Variants in UGT2B15 observed in about 807,000 individuals in gnomAD.
UGT2B15 encodes the protein UDP-glucuronosyltransferase 2B15.
A neutral mutation model predicts 45.9 loss-of-function variants in UGT2B15; 36 were observed. The observed-to-expected ratio is 0.78, with a 90% CI of 0.60 to 1.04. UGT2B15 has a LOEUF of 1.04. UGT2B15 is among the 50% of genes least tolerant of loss of function. The pLI is 0.00. For missense variants in UGT2B15, 617 were observed against 622.4 expected, an observed-to-expected ratio of 0.99 and a Z score of 0.09; for synonymous variants, 219 against 216.4, an observed-to-expected ratio of 1.01 and a Z score of -0.11.
intron 5 of UGT2B15, among the ~76,000 whole-genome samples, chr4:68,653,209 A>G (rs1732706077): frequency 2.0e-5 from 3 of 152,078 alleles, no homozygotes; most frequent in Admixed American, 1.3e-4. Flanking sequence ...ATGTATAACA[A>G]TGTTCATAAA....
chr4:68,669,919 C>G lies in UGT2B15; in HGVS notation c.700G>C (p.Asp234His). Residue 234 changes from aspartate to histidine, a missense_variant, in exon 1 of 6, where the codon GAC becomes CAC. By Grantham distance (81) the Asp-to-His change is moderately conservative (BLOSUM62 -1). Coordinates refer to ENST00000338206, the MANE Select transcript of UGT2B15 (RefSeq NM_001076.4). ...CCTAGAACTTCACTATAAAACTGGT[C>G]CCACTTCTTCAGATCATAAATTTGA... ...WFQIYDLKKWDQFYSEVLGRP... is the reference protein window; with the variant it reads ...WFQIYDLKKWHQFYSEVLGRP... The G allele has an allele frequency of 6.2e-7, 1 of 1,611,490 alleles. No individual in the cohort carries two copies. The highest frequency in any genetic ancestry group is 8.5e-7 in the Non-Finnish European group (1 of 1,179,392).
chr4:68,654,268 T>C lies in UGT2B15; in HGVS notation c.1094-12A>G, dbSNP rs768013539. On this transcript the variant is annotated splice_polypyrimidine_tract_variant and intron_variant, in intron 4 of 5. Coordinates refer to ENST00000338206, the MANE Select transcript of UGT2B15 (RefSeq NM_001076.4). Reference sequence around the variant, plus strand: ...GGTTTTGGGATGACCTAAAAGTGGATGCATTTTAACAAAATTATTAATTAC... The same window carrying C: ...GGTTTTGGGATGACCTAAAAGTGGACGCATTTTAACAAAATTATTAATTAC... The C allele has an allele frequency of 1.9e-6, 3 of 1,608,732 alleles. No individual in the cohort carries two copies. The East Asian group carries it at 6.7e-5, about 36-fold the overall frequency.
rs1732491502 is a variant in UGT2B15, at chr4:68,646,950, T to C, written c.*154A>G. The C allele has an allele frequency of 1.2e-5, 14 of 1,176,592 alleles. No individual in the cohort carries two copies. The highest frequency in any genetic ancestry group is 1.7e-5 in the Non-Finnish European group (14 of 839,560). The allele number at this position is 1,176,592 out of a possible 1,614,324, so 72.9% of individuals were successfully genotyped here. A position where few individuals can be genotyped will look rare whatever the true frequency, so the allele number is the denominator to read the frequency against. ...AGAATAATTCAGCTAAAGTACGTATTAAATCCCTGGAAAATAAATTTTGTC... is the reference window on the plus strand; with the variant it reads ...AGAATAATTCAGCTAAAGTACGTATCAAATCCCTGGAAAATAAATTTTGTC... On this transcript the variant is annotated 3_prime_UTR_variant, in exon 6 of 6. Coordinates refer to ENST00000338206, the MANE Select transcript of UGT2B15 (RefSeq NM_001076.4).
At chr4:68,653,725 T>C (rs906662311) in intron 5 of UGT2B15, among the ~76,000 whole-genome samples, 5 of 152,038 alleles carry the variant, frequency 3.3e-5, no homozygotes, top group Admixed American at 6.6e-5. Flanking sequence ...AATTGAAATA[T>C]CATATTTCTC....
chr4:68,658,275 G>C (rs558089039), intron 3 of UGT2B15, among the ~76,000 whole-genome samples: 13 of 150,940 alleles, frequency 8.6e-5, no homozygotes, highest in African/African-American at 3.2e-4. Context: ...ATTGGCTTAA[G>C]AAAATAAAAG....
intron 3 of UGT2B15, among the ~76,000 whole-genome samples, chr4:68,659,092 G>A (rs1257067013): frequency 2.0e-5 from 3 of 151,934 alleles, no homozygotes; most frequent in Non-Finnish European, 2.9e-5. Context: ...ATATCTTATG[G>A]TCAAGATTAG....
chr4:68,647,238 T>G lies in UGT2B15; in HGVS notation c.1459A>C (p.Ile487Leu), dbSNP rs1182928744. 1 of 1,613,860 alleles carries G rather than the reference T, an allele frequency of 6.2e-7. No homozygotes were observed. Among genetic ancestry groups the G allele is most frequent in the Non-Finnish European group, 8.5e-7 (1 of 1,179,950 alleles). The change falls in exon 6 of 6, where the codon ATC becomes CTC. Residue 487 changes from isoleucine to leucine, a missense_variant. This residue lies in a region of UGT2B15 where 265 missense variants were observed against 245.1 expected (regional missense o/e 1.08). Transcript: ENST00000338206. ...ATCACATCCAAAGAGTGGTACTGGATCCAGGTGAGGTTGTGAGCTGCGACT... is the reference window on the plus strand; with the variant it reads ...ATCACATCCAAAGAGTGGTACTGGAGCCAGGTGAGGTTGTGAGCTGCGACT... ...LRVAAHNLTW[I>L]QYHSLDVIAF...
chr4:68,651,474 T>C (rs1209119435), intron 5 of UGT2B15, among the ~76,000 whole-genome samples: 1 of 151,938 alleles, frequency 6.6e-6, no homozygotes, highest in African/African-American at 2.4e-5. Context: ...ATGTGTGGTG[T>C]TTTTCTGAGG....
chr4:68,666,951 T>C (rs1212582525), intron 2 of UGT2B15, among the ~76,000 whole-genome samples: 1 of 151,748 alleles, frequency 6.6e-6, no homozygotes, highest in East Asian at 1.9e-4. Context: ...TTCACCATGC[T>C]GGCCACTCTG....
At position 68,670,305 on chromosome 4, in the gene UGT2B15, G is replaced by T. The variant is rs1733270888; in HGVS notation, c.314C>A (p.Thr105Lys). 3.7e-6 allele frequency: 6 copies of T among 1,613,902 alleles called. No homozygotes were observed. The highest frequency in any genetic ancestry group is 5.1e-6 in the Non-Finnish European group (6 of 1,179,982). The change falls in exon 1 of 6, where the codon ACA (threonine) becomes AAA (lysine). Residue 105 changes from threonine (T) to lysine (K), a missense_variant. Thr to Lys is a moderately conservative substitution (Grantham distance 78, BLOSUM62 -1). Transcript: ENST00000338206. ...DRWIYGVSKN[T>K]FWSYFSQLQE... Reference sequence around the variant, plus strand: ...TAATTGTGAAAAATATGACCAAAATGTATTTTTTGAAACACCATATATCCA... The same window carrying T: ...TAATTGTGAAAAATATGACCAAAATTTATTTTTTGAAACACCATATATCCA...
chr4:68,669,862 A>G lies in UGT2B15; in HGVS notation c.724+33T>C, dbSNP rs1258969746. 4 of 1,564,186 alleles carry G rather than the reference A, an allele frequency of 2.6e-6. No individual in the cohort carries two copies. In the South Asian group the frequency reaches 4.9e-5, roughly 19 times the overall value. ...CCTTCAAAGGCACAGAAAAGTTAGA[A>G]CTTAATAAGCACCAGTTAGACACAT... On this transcript the variant is annotated intron_variant, in intron 1 of 5. Transcript: ENST00000338206.
At chr4:68,667,788 TG>T (rs1432828642) in intron 2 of UGT2B15, among the ~76,000 whole-genome samples, 1 of 152,190 alleles carries the variant, frequency 6.6e-6, no homozygotes, top group African/African-American at 2.4e-5. Context: ...TACTATCTTT[TG>T]GGTGGCACAA....
chr4:68,666,754 T>TATATATA (rs202047313), intron 2 of UGT2B15, among the ~76,000 whole-genome samples: 2 of 120,052 alleles, frequency 1.7e-5, no homozygotes, highest in Admixed American at 1.7e-4. Flanking sequence ...ATATATATAT[T>TATATATA]TTTTTTTTTT....
In UGT2B15 at chr4:68,669,936, T is replaced by A; in HGVS notation, c.683A>T (p.Tyr228Phe). The change falls in exon 1 of 6, where the codon TAT (tyrosine) becomes TTT (phenylalanine). Residue 228 changes from tyrosine to phenylalanine, a missense_variant. Tyr to Phe is a conservative substitution (Grantham distance 22). This residue lies in a region of UGT2B15 where 351 missense variants were observed against 342.1 expected (regional missense o/e 1.03). Coordinates refer to ENST00000338206, the MANE Select transcript of UGT2B15 (RefSeq NM_001076.4). ...AAACTGGTCCCACTTCTTCAGATCA[T>A]AAATTTGAAACCAAAAGTCAAAATA... ...MLYFDFWFQI[Y>F]DLKKWDQFYS... 2 of 1,613,194 alleles carry A rather than the reference T, an allele frequency of 1.2e-6. No homozygotes were observed. The highest frequency in any genetic ancestry group is 1.7e-6 in the Non-Finnish European group (2 of 1,179,814).
intron 5 of UGT2B15, among the ~76,000 whole-genome samples, chr4:68,651,242 A>G (rs1200540037): frequency 6.6e-6 from 1 of 151,988 alleles, no homozygotes; most frequent in African/African-American, 2.4e-5. Context: ...TATGTCCTGA[A>G]TGATATTGCC....
Position 68,670,376 on chromosome 4 carries a change from T to G in UGT2B15, c.243A>C (p.Leu81Phe). ...GAGAATCTTCCAAATAATTTTTAGT[T>G]AAAGATGTAGGATAAACTTCTAATT... ...AIKLEVYPTS[L>F]TKNYLEDSLL... Residue 81 changes from leucine (L) to phenylalanine (F), a missense_variant, in exon 1 of 6, where the codon TTA (leucine) becomes TTC (phenylalanine). Transcript: ENST00000338206. 1 of 1,613,458 alleles carries G rather than the reference T, an allele frequency of 6.2e-7. No homozygotes were observed. Among genetic ancestry groups the G allele is most frequent in the Non-Finnish European group, 8.5e-7 (1 of 1,179,888 alleles).
chr4:68,656,502 C>G (rs1395253963), intron 3 of UGT2B15, among the ~76,000 whole-genome samples: 1 of 151,300 alleles, frequency 6.6e-6, no homozygotes, highest in African/African-American at 2.4e-5. Context: ...CAAAGCCTGT[C>G]TAATTTGGCT....
chr4:68,653,773 TA>T (rs968428071), intron 5 of UGT2B15, among the ~76,000 whole-genome samples: 1 of 152,020 alleles, frequency 6.6e-6, no homozygotes, highest in Non-Finnish European at 1.5e-5. Context: ...ATTCTATCAT[TA>T]AAAATATTTA....
rs752708349 is a variant in UGT2B15 at position 68,670,397 on chromosome 4, T to C, written c.222A>G (p.Leu74=). 45 of 1,613,554 alleles carry C rather than the reference T, an allele frequency of 2.8e-5. No individual in the cohort carries two copies. Among genetic ancestry groups the C allele is most frequent in the Non-Finnish European group, 3.8e-5 (45 of 1,179,952 alleles). The change falls in exon 1 of 6, where the codon TTA becomes TTG. Residue 74 remains leucine, a synonymous_variant. Coordinates refer to ENST00000338206, the MANE Select transcript of UGT2B15 (RefSeq NM_001076.4). ...TAGTTAAAGATGTAGGATAAACTTC[T>C]AATTTAATAGCAGATGATTTACTGG... is the stretch of plus-strand genomic sequence containing the variant. ...VNASKSSAIK[L]EVYPTSLTKN...
Sources: allele counts gnomAD v4.1 joint callset (sites outside exome capture counted in the v4.1 genomes callset), GRCh38; gene constraint gnomAD v4.1.1; regional missense constraint gnomAD v4.1.1; transcripts MANE v1.5; gene names NCBI Gene and HGNC (gene_info 2026-07-23, HGNC 2026-07-21).